The following TAFA1 variants were observed in gnomAD, a reference collection of about 807,000 sequenced individuals.
TAFA1 encodes the protein chemokine-like protein TAFA-1.
In TAFA1, 4 loss-of-function variants were observed where a neutral mutation model predicts 18.5. The observed-to-expected ratio is 0.22, with a 90% CI of 0.11 to 0.49. The LOEUF (loss-of-function observed/expected upper bound fraction) is 0.49, where lower values mean the gene tolerates loss of function less well. Ranked by LOEUF, TAFA1 falls within the 20% of genes least tolerant of loss-of-function variation. The pLI, the probability that TAFA1 is intolerant of heterozygous loss-of-function variation, is 0.98. For missense variants in TAFA1, 147 were observed against 169.0 expected (o/e 0.87, Z 0.72); for synonymous variants, 56 against 55.2 (o/e 1.01, Z -0.06).
At chr3:68,059,039 A>G (rs781327417) in intron 2 of TAFA1, among the ~76,000 whole-genome samples, 1 of 152,174 alleles carries the variant, frequency 6.6e-6, no homozygotes, top group Non-Finnish European at 1.5e-5. Flanking sequence ...TATCACTTTC[A>G]TGGTATAAAT....
intron 2 of TAFA1, among the ~76,000 whole-genome samples, chr3:68,240,912 C>T (rs1368394577): frequency 6.6e-6 from 1 of 152,138 alleles, no homozygotes; most frequent in African/African-American, 2.4e-5. Context: ...CACAGAATGG[C>T]AAGTAGCATT....
At chr3:68,110,412 A>T (rs553616452) in intron 2 of TAFA1, among the ~76,000 whole-genome samples, 1 of 152,132 alleles carries the variant, frequency 6.6e-6, no homozygotes, top group Non-Finnish European at 1.5e-5. Context: ...TGTTTCTTCT[A>T]TTGTGAATAG....
chr3:68,093,866 C>G (rs910995222), intron 2 of TAFA1, among the ~76,000 whole-genome samples: 3 of 152,086 alleles, frequency 2.0e-5, no homozygotes, highest in African/African-American at 7.2e-5. Context: ...ATATTCTATC[C>G]TGAGTTTCCT....
chr3:68,265,402 C>T (rs780894851), intron 2 of TAFA1, among the ~76,000 whole-genome samples: 1 of 152,170 alleles, frequency 6.6e-6, no homozygotes, highest in Admixed American at 6.5e-5. Flanking sequence ...TCAGGGTCAC[C>T]TCATTCATTC....
intron 2 of TAFA1, among the ~76,000 whole-genome samples, chr3:68,069,234 G>A (rs1224662631): frequency 1.3e-5 from 2 of 152,194 alleles, no homozygotes; most frequent in African/African-American, 4.8e-5. Flanking sequence ...AAGGGTTTAA[G>A]GAACTTAGAG....
At chr3:68,217,312 C>T (rs184578389) in intron 2 of TAFA1, among the ~76,000 whole-genome samples, 1 of 151,712 alleles carries the variant, frequency 6.6e-6, no homozygotes, top group Non-Finnish European at 1.5e-5. Context: ...CCCCCAAACC[C>T]ATAATCCCAG....
intron 2 of TAFA1, among the ~76,000 whole-genome samples, chr3:68,221,283 C>T (rs2066726740): frequency 6.6e-6 from 1 of 152,186 alleles, no homozygotes; most frequent in Non-Finnish European, 1.5e-5. Context: ...TTTTGCTCTT[C>T]TTCCCTTCTC....
chr3:68,305,441 A>C (rs542802494), intron 2 of TAFA1, among the ~76,000 whole-genome samples: 6 of 116,642 alleles, frequency 5.1e-5, no homozygotes, highest in East Asian at 2.7e-4. Context: ...ATATATATAT[A>C]TATATATATA....
At chr3:68,436,016 C>T (rs1294090677) in intron 3 of TAFA1, among the ~76,000 whole-genome samples, 1 of 152,028 alleles carries the variant, frequency 6.6e-6, no homozygotes, top group African/African-American at 2.4e-5. Context: ...TTTAAAAGCT[C>T]CATGAGGGAT....
chr3:68,107,161 G>A (rs1012270506), intron 2 of TAFA1, among the ~76,000 whole-genome samples: 8 of 152,066 alleles, frequency 5.3e-5, no homozygotes, highest in African/African-American at 1.9e-4. Flanking sequence ...AGACTGAAGC[G>A]GTTTAGAGTA....
chr3:68,488,209 C>G (rs2072382985), intron 3 of TAFA1, among the ~76,000 whole-genome samples: 1 of 152,142 alleles, frequency 6.6e-6, no homozygotes, highest in Non-Finnish European at 1.5e-5. Context: ...AACAAGGAAG[C>G]CAGTCAGAGT....
chr3:68,246,053 C>G (rs1323563742), intron 2 of TAFA1, among the ~76,000 whole-genome samples: 1 of 152,086 alleles, frequency 6.6e-6, no homozygotes, highest in Admixed American at 6.5e-5. Flanking sequence ...TCAGAGTCAA[C>G]GACGATGTCC....
intron 2 of TAFA1, among the ~76,000 whole-genome samples, chr3:68,099,756 T>A (rs946073213): frequency 3.3e-5 from 5 of 151,962 alleles, no homozygotes; most frequent in African/African-American, 1.2e-4. Flanking sequence ...TAGGTACCCA[T>A]CAAGAATGGA....
chr3:68,336,625 C>A (rs563925242), intron 2 of TAFA1, among the ~76,000 whole-genome samples: 3 of 152,324 alleles, frequency 2.0e-5, no homozygotes, highest in African/African-American at 7.2e-5. Context: ...AGGAAAGTTA[C>A]AATTATCATT....
chr3:68,023,207 G>A (rs1704736327), intron 2 of TAFA1, among the ~76,000 whole-genome samples: 1 of 152,018 alleles, frequency 6.6e-6, no homozygotes, highest in Admixed American at 6.6e-5. Flanking sequence ...TATGCTAGGT[G>A]ATGCTATGGT....
At chr3:68,231,908 C>A (rs2066877105) in intron 2 of TAFA1, among the ~76,000 whole-genome samples, 1 of 152,076 alleles carries the variant, frequency 6.6e-6, no homozygotes, top group African/African-American at 2.4e-5. Flanking sequence ...ACTGGAAAAG[C>A]CATACATTTT....
intron 2 of TAFA1, among the ~76,000 whole-genome samples, chr3:68,055,448 C>T (rs1335697641): frequency 6.6e-6 from 1 of 152,148 alleles, no homozygotes; most frequent in East Asian, 1.9e-4. Flanking sequence ...TTCACTGCCA[C>T]ACCTGTTTTC....
intron 2 of TAFA1, among the ~76,000 whole-genome samples, chr3:68,303,062 C>T (rs949032630): frequency 3.3e-5 from 5 of 152,018 alleles, no homozygotes; most frequent in African/African-American, 9.7e-5. Context: ...GTCAAGGTGC[C>T]TGGTACATAA....
chr3:68,017,035 G>T (rs1274654062), intron 2 of TAFA1, among the ~76,000 whole-genome samples: 1 of 152,154 alleles, frequency 6.6e-6, no homozygotes. Context: ...CTGTTCTATA[G>T]AGAAATGGTA....
Sources: gnomAD v4.1 joint callset for allele counts (sites outside exome capture counted in the v4.1 genomes callset) on GRCh38, gnomAD v4.1.1 for gene constraint, MANE v1.5 for transcripts, NCBI Gene and HGNC (gene_info 2026-07-23, HGNC 2026-07-21) for gene names.